Variants in CSMD1 observed in about 807,000 individuals in gnomAD.
The protein encoded by CSMD1 is CUB and Sushi multiple domains 1.
In CSMD1, 213 loss-of-function variants were observed where a neutral mutation model predicts 417.5. The observed-to-expected ratio is 0.51, with a 90% CI of 0.46 to 0.57. The LOEUF is 0.57. Among genes scored for constraint, CSMD1 ranks in the 20% least tolerant of loss-of-function variants. The pLI is 0.00. For synonymous variants in CSMD1, 2,862 were observed against 1,736.8 expected (o/e 1.65, Z -16.11); for missense variants, 6,923 against 4,529.7 (o/e 1.53, Z -15.17).
chr8:4,068,173 T>C (rs1251904890), intron 3 of CSMD1, among the ~76,000 whole-genome samples: 1 of 152,096 alleles, frequency 6.6e-6, no homozygotes, highest in Non-Finnish European at 1.5e-5. Flanking sequence ...AGGGTTTTCT[T>C]AGGAAAGGGG....
At chr8:3,991,648 G>C (rs1164117012) in intron 5 of CSMD1, among the ~76,000 whole-genome samples, 2 of 152,164 alleles carry the variant, frequency 1.3e-5, no homozygotes, top group Non-Finnish European at 2.9e-5. Context: ...CACTTTCTTT[G>C]TATGCACTAA....
chr8:4,755,063 G>A (rs181480842), intron 1 of CSMD1, among the ~76,000 whole-genome samples: 403 of 151,478 alleles, frequency 2.7e-3, no homozygotes, highest in African/African-American at 9.4e-3. Context: ...GCTTGAACCC[G>A]GGAGGCGGAA....
chr8:3,752,698 A>AAAAC (rs1797415967), intron 6 of CSMD1, among the ~76,000 whole-genome samples: 1 of 117,754 alleles, frequency 8.5e-6, no homozygotes, highest in African/African-American at 3.1e-5. Flanking sequence ...AAAAAAAAAA[A>AAAAC]AAAAAACATA....
intron 7 of CSMD1, among the ~76,000 whole-genome samples, chr8:3,649,630 G>C (rs1797744529): frequency 1.3e-5 from 2 of 152,132 alleles, no homozygotes; most frequent in African/African-American, 4.8e-5. Flanking sequence ...ACCATCATGA[G>C]AACAGCACGG....
chr8:3,775,449 A>G (rs2720760), intron 5 of CSMD1, among the ~76,000 whole-genome samples: 43,305 of 152,000 alleles, frequency 0.28, 7,423 homozygotes, highest in African/African-American at 0.48. Context: ...GGGGGCAAAA[A>G]CAATCATTTA....
intron 10 of CSMD1, among the ~76,000 whole-genome samples, chr8:3,518,358 A>C (rs1199291054): frequency 6.6e-6 from 1 of 152,212 alleles, no homozygotes; most frequent in African/African-American, 2.4e-5. Flanking sequence ...CCAACATCAT[A>C]TAAGAAACAA....
intron 1 of CSMD1, among the ~76,000 whole-genome samples, chr8:4,696,380 G>T (rs1016657403): frequency 1.3e-5 from 2 of 152,128 alleles, no homozygotes; most frequent in African/African-American, 4.8e-5. Context: ...TACCTCTATA[G>T]TATGAAGAAT....
intron 3 of CSMD1, among the ~76,000 whole-genome samples, chr8:4,112,301 C>A (rs1036841107): frequency 6.6e-6 from 1 of 152,190 alleles, no homozygotes; most frequent in Admixed American, 6.5e-5. Flanking sequence ...TGCTCCCGCA[C>A]ATTTACACAG....
At chr8:3,962,943 C>G (rs765684012) in intron 5 of CSMD1, among the ~76,000 whole-genome samples, 3 of 152,070 alleles carry the variant, frequency 2.0e-5, no homozygotes, top group East Asian at 1.9e-4. Flanking sequence ...GTTTTTGTTT[C>G]GTTTTGTTTT....
chr8:4,237,758 C>T (rs958341228), intron 3 of CSMD1, among the ~76,000 whole-genome samples: 1 of 152,174 alleles, frequency 6.6e-6, no homozygotes, highest in African/African-American at 2.4e-5. Context: ...AGTGATCCTT[C>T]TTCCTCAGCA....
chr8:3,429,480 C>CTTCA (rs1190580560), intron 12 of CSMD1, among the ~76,000 whole-genome samples: 1 of 152,130 alleles, frequency 6.6e-6, no homozygotes, highest in African/African-American at 2.4e-5. Context: ...GTTCACTGAC[C>CTTCA]TTCATTCTTA....
chr8:4,284,448 G>T (rs750997285), intron 3 of CSMD1, among the ~76,000 whole-genome samples: 3 of 133,762 alleles, frequency 2.2e-5, no homozygotes, highest in Non-Finnish European at 4.6e-5. Flanking sequence ...TCCACTCCGT[G>T]TTCCCTCCCC....
Position 3,796,857 on chromosome 8 carries a change from A to G in CSMD1, c.819-42815T>C, listed in dbSNP as rs1042944899. 2.0e-5 allele frequency among the ~76,000 whole-genome samples: 3 copies of G among 151,644 alleles called. 1 individual carries two copies. The highest frequency in any genetic ancestry group is 4.4e-5 in the Non-Finnish European group (3 of 67,706). On this transcript the variant is annotated intron_variant, in intron 5 of 69. Transcript: ENST00000635120. ...AAAGCTAGGCAATTGTCAACATTTC[A>G]TTCTATTGTTTCTACAAAAATGGAA...
intron 3 of CSMD1, among the ~76,000 whole-genome samples, chr8:4,047,546 A>C (rs545076025): frequency 1.1e-3 from 111 of 102,608 alleles, no homozygotes; most frequent in African/African-American, 3.3e-3. Flanking sequence ...CATTCATTCC[A>C]CAAATATTTA....
intron 5 of CSMD1, among the ~76,000 whole-genome samples, chr8:3,955,954 C>G (rs1585029717): frequency 6.6e-6 from 1 of 152,158 alleles, no homozygotes; most frequent in African/African-American, 2.4e-5. Flanking sequence ...ACACCACGCC[C>G]AACTAATTGT....
intron 51 of CSMD1, among the ~76,000 whole-genome samples, chr8:3,026,741 T>C (rs565121220): frequency 6.6e-6 from 1 of 152,378 alleles, no homozygotes; most frequent in East Asian, 1.9e-4. Context: ...TGTGTTATCA[T>C]GAGGCCCTTA....
intron 9 of CSMD1, among the ~76,000 whole-genome samples, chr8:3,585,696 T>A (rs1399909098): frequency 6.6e-6 from 1 of 152,204 alleles, no homozygotes; most frequent in Admixed American, 6.6e-5. Flanking sequence ...AATGATGATT[T>A]GCAATCAGGC....
intron 12 of CSMD1, among the ~76,000 whole-genome samples, chr8:3,431,889 C>G (rs772203899): frequency 3.9e-5 from 6 of 152,348 alleles, no homozygotes; most frequent in East Asian, 3.9e-4. Context: ...ATCGGCTGCT[C>G]TTCTGCAGCA....
intron 53 of CSMD1, among the ~76,000 whole-genome samples, chr8:2,998,638 T>A (rs549037650): frequency 6.6e-6 from 1 of 152,344 alleles, no homozygotes; most frequent in South Asian, 2.1e-4. Flanking sequence ...ATGTATAAAT[T>A]ATTGCAATAT....
Sources: gnomAD v4.1 joint callset for allele counts (sites outside exome capture counted in the v4.1 genomes callset) on GRCh38, gnomAD v4.1.1 for gene constraint, MANE v1.5 for transcripts, NCBI Gene and HGNC (gene_info 2026-07-23, HGNC 2026-07-21) for gene names.